SLF2: variants seen among roughly 807,000 people sequenced by gnomAD.
SLF2 encodes the protein SMC5-SMC6 complex localization factor protein 2.
In SLF2, 68 loss-of-function variants were observed where a neutral mutation model predicts 124.3. The observed-to-expected ratio is 0.55, with a 90% CI of 0.45 to 0.67. SLF2 has a LOEUF of 0.67. Ranked by LOEUF, SLF2 falls within the 30% of genes least tolerant of loss-of-function variation. The pLI is 0.00. For synonymous variants in SLF2, 480 were observed against 478.8 expected (o/e 1.00, Z -0.03); for missense variants, 1,246 against 1,373.7 (o/e 0.91, Z 1.47).
Position 100,962,176 on chromosome 10 carries a change from T to A in SLF2, c.*264T>A, listed in dbSNP as rs1290257929. The stretch of plus-strand genomic sequence containing the variant: ...AAAGAGGGGAGGGGTAGAAGCAGAA[T>A]AATAGTCATATGTCTAACCTGCCCC... On this transcript the variant is annotated 3_prime_UTR_variant, in exon 20 of 20. Coordinates refer to ENST00000238961, the MANE Select transcript of SLF2 (RefSeq NM_018121.4). 6.2e-6 allele frequency: 2 copies of A among 320,938 alleles called. No homozygotes were observed. Among genetic ancestry groups the A allele is most frequent in the African/African-American group, 2.1e-5 (1 of 46,820 alleles). The allele number at this position is 320,938 out of a possible 1,614,324, so 19.9% of individuals were successfully genotyped here. A position where few individuals can be genotyped will look rare whatever the true frequency, so the allele number is the denominator to read the frequency against.
intron 17 of SLF2, among the ~76,000 whole-genome samples, chr10:100,953,897 C>T (rs781389233): frequency 1.2e-4 from 19 of 152,026 alleles, no homozygotes; most frequent in Non-Finnish European, 2.5e-4. Flanking sequence ...AGTGATCCAC[C>T]CGCCTCAGCC....
At chr10:100,943,470 T>C (rs1372113032) in intron 11 of SLF2, among the ~76,000 whole-genome samples, 1 of 152,226 alleles carries the variant, frequency 6.6e-6, no homozygotes, top group Non-Finnish European at 1.5e-5. Context: ...AAAAGTATTA[T>C]TTTTTCAAAA....
chr10:100,957,291 A>C (rs935043223), intron 18 of SLF2, among the ~76,000 whole-genome samples: 2 of 141,394 alleles, frequency 1.4e-5, no homozygotes, highest in Non-Finnish European at 1.5e-5. Context: ...TATTCTTTGA[A>C]TGTTTCATTG....
rs1219523711 is a variant in SLF2, at chr10:100,963,455, ATAT to A, written c.*1550_*1552del. On this transcript the variant is annotated 3_prime_UTR_variant, in exon 20 of 20. Transcript: ENST00000238961. ...TATTCTGTGTTGTTTACTGGTAAGA[ATAT>A]TATTATCTTGATACTACCTCTCAAG... The A allele has an allele frequency of 6.6e-6, 1 of 152,618 alleles. No individual in the cohort carries two copies. Among genetic ancestry groups the A allele is most frequent in the East Asian group, 1.9e-4 (1 of 5,198 alleles). The allele number at this position is 152,618 out of a possible 1,614,324, so 9.5% of individuals were successfully genotyped here. A position where few individuals can be genotyped will look rare whatever the true frequency, so the allele number is the denominator to read the frequency against.
intron 6 of SLF2, 128 bp from the exon 7 acceptor site, chr10:100,929,189 A>G: frequency 1.3e-6 from 1 of 752,940 alleles, no homozygotes; most frequent in South Asian, 2.7e-5. Context: ...GACCGATAGT[A>G]TAACAAAATT....
At chr10:100,922,306 G>A (rs970694413) in intron 4 of SLF2, among the ~76,000 whole-genome samples, 1 of 152,100 alleles carries the variant, frequency 6.6e-6, no homozygotes, top group East Asian at 1.9e-4. Flanking sequence ...AAACTCCTGA[G>A]CCCAAGTGAT....
At chr10:100,931,152 T>C (rs1589951439) in intron 9 of SLF2, 74 bp downstream of exon 9, 2 of 1,189,410 alleles carry the variant, frequency 1.7e-6, no homozygotes, top group Admixed American at 4.4e-5. Context: ...AACATAATTT[T>C]ATTTGCACAT....
In SLF2 at chr10:100,959,350, T is replaced by TA. The variant is rs1158134604; in HGVS notation, c.3418-77dup. 4 of 1,330,846 alleles carry TA rather than the reference T, an allele frequency of 3.0e-6. No homozygotes were observed. The Admixed American group carries it at 1.0e-4, about 34-fold the overall frequency. 82.4% of individuals were successfully genotyped at this position (1,330,846 alleles called of 1,614,324 possible). A position where few individuals can be genotyped will look rare whatever the true frequency, so the allele number is the denominator to read the frequency against. On this transcript the variant is annotated intron_variant, in intron 18 of 19. Transcript: ENST00000238961. ...GTGTGGGCCTGTTGCAGCTGTCAGA[T>TA]ATTTTGTGTAGTGTTAAGCTGATTG...
chr10:100,945,329 G>GT lies in SLF2; in HGVS notation c.2760dup (p.Leu921SerfsTer16), dbSNP rs755856738. The GT allele has an allele frequency of 1.3e-6, 2 of 1,568,348 alleles. No individual in the cohort carries two copies. Among genetic ancestry groups the GT allele is most frequent in the Non-Finnish European group, 1.7e-6 (2 of 1,167,758 alleles). On this transcript the variant is annotated frameshift_variant and splice_region_variant. Coordinates refer to ENST00000238961, the MANE Select transcript of SLF2 (RefSeq NM_018121.4). LOFTEE classifies it high-confidence loss of function. ...TTTGTCTGTGCATTTATGTTAAACA[G>GT]TTTCTAGGCTTGTGTACATCTATAC...
intron 1 of SLF2, among the ~76,000 whole-genome samples, chr10:100,915,722 A>C (rs1324340171): frequency 6.6e-6 from 1 of 152,194 alleles, no homozygotes; most frequent in Non-Finnish European, 1.5e-5. Context: ...CTCTGTACTA[A>C]TTCCTTGGGT....
At chr10:100,926,842 G>A (rs11190756) in intron 6 of SLF2, 20,655 of 151,284 alleles carry the variant, frequency 0.14, 2,306 homozygotes, top group African/African-American at 0.31. Flanking sequence ...CCCGGAAGTC[G>A]GAGGTGGCAG....
chr10:100,925,949 G>A lies in SLF2; in HGVS notation c.1972G>A (p.Gly658Arg). 1 of 1,583,162 alleles carries A rather than the reference G, an allele frequency of 6.3e-7. No individual in the cohort carries two copies. The highest frequency in any genetic ancestry group is 1.4e-5 in the African/African-American group (1 of 73,766). ...GTATTTCTAAATGTTCTTGTTTTAG[G>A]GACATGTTCATCCTGGAACTTACAC... is the stretch of plus-strand genomic sequence containing the variant. ...GLRSQSSDYTGHVHPGTYTNT... is the reference protein window; with the variant it reads ...GLRSQSSDYTRHVHPGTYTNT... Residue 658 changes from glycine to arginine, a missense_variant and splice_region_variant, in exon 6 of 20, where the codon GGA becomes AGA. By Grantham distance (125) the Gly-to-Arg change is moderately radical. Around this residue, in one of 3 missense-constraint regions of SLF2, gnomAD observed 535 missense variants for 632.8 expected, o/e 0.85. Transcript: ENST00000238961.
intron 12 of SLF2, among the ~76,000 whole-genome samples, 183 bp downstream of exon 12, chr10:100,944,311 C>T (rs552400310): frequency 6.6e-5 from 10 of 151,892 alleles, no homozygotes; most frequent in South Asian, 2.1e-4. Flanking sequence ...CTGGCTAACA[C>T]GGTGAAAACC....
chr10:100,947,672 G>T, intron 14 of SLF2, 88 bp from the exon 15 acceptor site: 1 of 851,316 alleles, frequency 1.2e-6, no homozygotes, highest in South Asian at 1.7e-5. Flanking sequence ...TTTCCAATTA[G>T]AACTAGAGCT....
intron 3 of SLF2, among the ~76,000 whole-genome samples, chr10:100,918,132 C>T (rs558409805): frequency 2.3e-4 from 35 of 152,200 alleles, no homozygotes; most frequent in African/African-American, 7.7e-4. Flanking sequence ...TTGATATAAA[C>T]GTAAATCAGC....
intron 9 of SLF2, among the ~76,000 whole-genome samples, chr10:100,933,262 A>G (rs1378006358): frequency 6.6e-6 from 1 of 152,202 alleles, no homozygotes; most frequent in Non-Finnish European, 1.5e-5. Context: ...TCAAACCCTA[A>G]TTATGACATA....
intron 15 of SLF2, 71 bp from the exon 16 acceptor site, chr10:100,950,005 G>GA (rs558902788): frequency 2.8e-5 from 39 of 1,413,806 alleles, no homozygotes; most frequent in Non-Finnish European, 3.6e-5. Context: ...GTACACACTG[G>GA]AAAAAAATAG....
intron 18 of SLF2, among the ~76,000 whole-genome samples, chr10:100,959,123 GAGTTAA>G (rs1440304168): frequency 1.3e-5 from 2 of 152,198 alleles, no homozygotes; most frequent in Non-Finnish European, 2.9e-5. Flanking sequence ...AAAAGCCAGC[GAGTTAA>G]AGTTAAGTTC....
At position 100,917,161 on chromosome 10, in the gene SLF2, A is replaced by C; in HGVS notation, c.776A>C (p.Gln259Pro). Reference protein sequence around the residue: ...LKRLRKEQMEQRINSENSFSE... With the variant: ...LKRLRKEQMEPRINSENSFSE... ...AGGTTGAGAAAGGAGCAAATGGAGC[A>C]GAGAATCAACTCCGAGAATTCTTTC... Residue 259 changes from glutamine to proline, a missense_variant, in exon 3 of 20, where the codon CAG becomes CCG. Coordinates refer to ENST00000238961, the MANE Select transcript of SLF2 (RefSeq NM_018121.4). 1 of 1,614,242 alleles carries C rather than the reference A, an allele frequency of 6.2e-7. No homozygotes were observed. Among genetic ancestry groups the C allele is most frequent in the Non-Finnish European group, 8.5e-7 (1 of 1,180,054 alleles).
Sources: allele counts gnomAD v4.1 joint callset (sites outside exome capture counted in the v4.1 genomes callset), GRCh38; gene constraint gnomAD v4.1.1; regional missense constraint gnomAD v4.1.1; transcripts MANE v1.5; gene names NCBI Gene and HGNC (gene_info 2026-07-23, HGNC 2026-07-21).